PCNX2: variants seen among roughly 807,000 people sequenced by gnomAD.
PCNX2 encodes the protein pecanex 2, also known as pecanex-like protein 2.
In PCNX2, 168 loss-of-function variants were observed where a neutral mutation model predicts 223.8. The observed-to-expected ratio is 0.75, with a 90% CI of 0.66 to 0.85. The LOEUF (loss-of-function observed/expected upper bound fraction) is 0.85, where lower values mean the gene tolerates loss of function less well. PCNX2 is among the 40% of genes least tolerant of loss of function. The pLI, the probability that PCNX2 is intolerant of heterozygous loss-of-function variation, is 0.00. For missense variants in PCNX2, 2,507 were observed against 2,675.5 expected (o/e 0.94, Z 1.39); for synonymous variants, 1,006 against 1,052.6 (o/e 0.96, Z 0.86).
intron 21 of PCNX2, among the ~76,000 whole-genome samples, chr1:233,119,593 A>AC (rs1553293573): frequency 0.05 from 5,449 of 109,530 alleles, 303 homozygotes; most frequent in African/African-American, 0.15. Flanking sequence ...TCAAAAAAAA[A>AC]AAAACAAAAA....
At chr1:233,220,856 T>G (rs1657333179) in intron 10 of PCNX2, among the ~76,000 whole-genome samples, 1 of 152,234 alleles carries the variant, frequency 6.6e-6, no homozygotes, top group African/African-American at 2.4e-5. Flanking sequence ...ATGAATCATT[T>G]GATAGGGACT....
intron 17 of PCNX2, among the ~76,000 whole-genome samples, chr1:233,165,997 T>G (rs1558301089): frequency 6.6e-6 from 1 of 152,166 alleles, no homozygotes; most frequent in Non-Finnish European, 1.5e-5. Flanking sequence ...GTATTGATGG[T>G]ATTGGTGCAA....
At chr1:233,151,828 C>A (rs1677829018) in intron 19 of PCNX2, among the ~76,000 whole-genome samples, 1 of 152,218 alleles carries the variant, frequency 6.6e-6, no homozygotes, top group Non-Finnish European at 1.5e-5. Flanking sequence ...GCACCTGCTA[C>A]CATGCCCGGC....
intron 21 of PCNX2, among the ~76,000 whole-genome samples, chr1:233,118,479 T>A: frequency 1.0e-5 from 1 of 96,520 alleles, no homozygotes. Flanking sequence ...ATAGAAAATC[T>A]CAAGGCACCT....
In PCNX2 at chr1:233,295,531, G is replaced by A. The variant is rs965770674; in HGVS notation, c.-53C>T. On this transcript the variant is annotated 5_prime_UTR_variant, in exon 1 of 34. Transcript: ENST00000258229. The surrounding 1 kb of genome is among the most constrained non-coding windows in gnomAD (Gnocchi z 4.1). ...GCCCCGCTGCACCCTGCGCGCCCCG[G>A]CCGGATCTCCAGGCTCCCTCAGGTC... is the stretch of plus-strand genomic sequence containing the variant. 1 of 1,463,234 alleles carries A rather than the reference G, an allele frequency of 6.8e-7. No homozygotes were observed. The highest frequency in any genetic ancestry group is 1.4e-5 in the South Asian group (1 of 71,638). 90.6% of individuals were successfully genotyped at this position (1,463,234 alleles called of 1,614,324 possible).
intron 21 of PCNX2, among the ~76,000 whole-genome samples, chr1:233,130,705 A>G (rs978132433): frequency 6.6e-6 from 1 of 151,354 alleles, no homozygotes; most frequent in African/African-American, 2.4e-5. Flanking sequence ...GGATGGTCTC[A>G]ATCTCCTGAC....
Position 233,258,628 on chromosome 1 carries a change from G to T in PCNX2, c.1234C>A (p.Pro412Thr). 6.2e-7 allele frequency: 1 copy of T among 1,613,944 alleles called. No individual in the cohort carries two copies. Among genetic ancestry groups the T allele is most frequent in the Non-Finnish European group, 8.5e-7 (1 of 1,179,864 alleles). The change falls in exon 5 of 34, where the codon CCC (proline) becomes ACC (threonine). Residue 412 changes from proline to threonine, a missense_variant. Pro to Thr is a conservative substitution (Grantham distance 38). Transcript: ENST00000258229. ...EKTSVKSDAE[P>T]TNPGAAGSPN... ...GAACCGGCCGCCCCTGGGTTAGTGG[G>T]CTCAGCGTCAGACTTTACACTGGTC...
intron 19 of PCNX2, among the ~76,000 whole-genome samples, chr1:233,151,608 G>C (rs1677812071): frequency 6.6e-6 from 1 of 152,178 alleles, no homozygotes; most frequent in Non-Finnish European, 1.5e-5. Flanking sequence ...GCTTGCTGGA[G>C]AGCTGGAATC....
At chr1:233,225,281 AGG>A (rs1372536922) in intron 10 of PCNX2, among the ~76,000 whole-genome samples, 87 of 152,214 alleles carry the variant, frequency 5.7e-4, no homozygotes, top group Admixed American at 5.6e-3. Context: ...TAATAATAAT[AGG>A]AGCAACTAAT....
intron 21 of PCNX2, among the ~76,000 whole-genome samples, chr1:233,113,578 T>C (rs965667759): frequency 6.6e-6 from 1 of 152,210 alleles, no homozygotes; most frequent in Admixed American, 6.5e-5. Context: ...CGAGCCTGCC[T>C]CTTGTAAGAT....
At chr1:233,085,518 C>T (rs1444780951) in intron 23 of PCNX2, among the ~76,000 whole-genome samples, 1 of 152,130 alleles carries the variant, frequency 6.6e-6, no homozygotes, top group Non-Finnish European at 1.5e-5. Flanking sequence ...CCTCTCCATC[C>T]TACAAACCAC....
chr1:233,056,556 C>T (rs1042241359), intron 24 of PCNX2, among the ~76,000 whole-genome samples: 2 of 152,330 alleles, frequency 1.3e-5, no homozygotes, highest in East Asian at 3.9e-4. Flanking sequence ...ATAAGCTTCT[C>T]TCTCCAGGTA....
chr1:233,199,795 TACAC>T (rs60556502), intron 14 of PCNX2, among the ~76,000 whole-genome samples: 16,095 of 147,856 alleles, frequency 0.11, 1,064 homozygotes, highest in East Asian at 0.21. Flanking sequence ...TGTGCTCAAA[TACAC>T]ACACACACAC....
intron 33 of PCNX2, 192 bp downstream of exon 33, chr1:232,985,900 C>G: frequency 3.0e-6 from 2 of 664,888 alleles, no homozygotes; most frequent in African/African-American, 1.8e-5. Context: ...TGCTCTGTAT[C>G]TTGTCTGCTT....
chr1:232,989,636 A>T (rs1237861855), intron 32 of PCNX2, among the ~76,000 whole-genome samples: 3 of 152,018 alleles, frequency 2.0e-5, no homozygotes, highest in African/African-American at 7.3e-5. Context: ...GCAGCAAAGG[A>T]CCCCTGTATC....
At chr1:233,263,612 T>C (rs1386795087) in intron 1 of PCNX2, among the ~76,000 whole-genome samples, 1 of 152,046 alleles carries the variant, frequency 6.6e-6, no homozygotes, top group Non-Finnish European at 1.5e-5. Context: ...TTCACCACCA[T>C]GCCCGGCTAA....
chr1:233,126,462 G>C lies in PCNX2; in HGVS notation c.3837+8551C>G, dbSNP rs964765747. ...TTTTAAGCAAAAATGGAGGTAAAAG[G>C]CAGGTACAGAATGAACCTATTGATA... is the stretch of plus-strand genomic sequence containing the variant. On this transcript the variant is annotated intron_variant, in intron 21 of 33. Transcript: ENST00000258229. This position sits in a 1 kb window ranked among gnomAD's most constrained non-coding sequence, Gnocchi z 4.8. 6.6e-6 allele frequency among the ~76,000 whole-genome samples: 1 copy of C among 152,004 alleles called. No individual in the cohort carries two copies. Among genetic ancestry groups the C allele is most frequent in the Non-Finnish European group, 1.5e-5 (1 of 67,994 alleles).
chr1:233,243,321 C>T (rs1658891575), intron 8 of PCNX2, among the ~76,000 whole-genome samples: 1 of 152,196 alleles, frequency 6.6e-6, no homozygotes, highest in Non-Finnish European at 1.5e-5. Flanking sequence ...TGGAGACAGT[C>T]CCAGCCACTG....
intron 23 of PCNX2, among the ~76,000 whole-genome samples, chr1:233,071,898 G>A (rs1460597877): frequency 6.6e-6 from 1 of 152,188 alleles, no homozygotes; most frequent in Non-Finnish European, 1.5e-5. Context: ...AATAATTGAT[G>A]ATGCTGAGCA....
Sources: allele counts gnomAD v4.1 joint callset (sites outside exome capture counted in the v4.1 genomes callset), GRCh38; gene constraint gnomAD v4.1.1; non-coding constraint Gnocchi (gnomAD v3.1); transcripts MANE v1.5; gene names NCBI Gene and HGNC (gene_info 2026-07-23, HGNC 2026-07-21).